Variants in ADAMTS2 observed in about 807,000 individuals in gnomAD.
The protein encoded by ADAMTS2 is A disintegrin and metalloproteinase with thrombospondin motifs 2.
In ADAMTS2, 50 loss-of-function variants were observed where a neutral mutation model predicts 123.0. The observed-to-expected ratio is 0.41, with a 90% confidence interval of 0.32 to 0.51. The LOEUF (loss-of-function observed/expected upper bound fraction) is 0.51, where lower values mean the gene tolerates loss of function less well. Ranked by LOEUF, ADAMTS2 falls within the 20% of genes least tolerant of loss-of-function variation. The pLI, the probability that ADAMTS2 is intolerant of heterozygous loss-of-function variation, is 0.35. For missense variants in ADAMTS2, 1,494 were observed against 1,705.2 expected (o/e 0.88, Z 2.18); for synonymous variants, 678 against 695.4 (o/e 0.98, Z 0.39).
At chr5:179,273,951 A>C (rs1207391278) in intron 2 of ADAMTS2, among the ~76,000 whole-genome samples, 1 of 151,116 alleles carries the variant, frequency 6.6e-6, no homozygotes, top group Non-Finnish European at 1.5e-5. Flanking sequence ...CTGCCGAGCC[A>C]CCCAGCCCCT....
In ADAMTS2 at chr5:179,272,875, C is replaced by T; in HGVS notation, c.688+36G>A. The T allele has an allele frequency of 1.9e-6, 3 of 1,599,704 alleles. No homozygotes were observed. The highest frequency in any genetic ancestry group is 2.5e-6 in the Non-Finnish European group (3 of 1,177,014). On this transcript the variant is annotated intron_variant, in intron 3 of 21. Coordinates refer to ENST00000251582, the MANE Select transcript of ADAMTS2 (RefSeq NM_014244.5). This position sits in a 1 kb window ranked among gnomAD's most constrained non-coding sequence, Gnocchi z 5.8. Reference sequence around the variant, plus strand: ...CCCTGGGGACCAGGGCCTCAGAGGGCTCTCCACACAGCCTGCCCACCTGCA... The same window carrying T: ...CCCTGGGGACCAGGGCCTCAGAGGGTTCTCCACACAGCCTGCCCACCTGCA...
chr5:179,208,998 C>T (rs916191763), intron 3 of ADAMTS2, among the ~76,000 whole-genome samples: 4 of 152,356 alleles, frequency 2.6e-5, no homozygotes, highest in African/African-American at 7.2e-5. Context: ...ACACTTTTCA[C>T]CCCCAACGCC....
At chr5:179,316,252 G>C (rs1381027620) in intron 2 of ADAMTS2, among the ~76,000 whole-genome samples, 1 of 152,190 alleles carries the variant, frequency 6.6e-6, no homozygotes, top group African/African-American at 2.4e-5. Flanking sequence ...GAGGGAAGAG[G>C]CTGCCCCATT....
chr5:179,217,466 T>C (rs1455679683), intron 3 of ADAMTS2, among the ~76,000 whole-genome samples: 1 of 152,222 alleles, frequency 6.6e-6, no homozygotes, highest in Non-Finnish European at 1.5e-5. Context: ...GTTTTAATGA[T>C]GTTAGGACAA....
intron 12 of ADAMTS2, among the ~76,000 whole-genome samples, chr5:179,136,826 C>T (rs184662595): frequency 3.8e-4 from 57 of 150,870 alleles, no homozygotes; most frequent in African/African-American, 1.1e-3. Context: ...AAAATTTAGC[C>T]GGGTGTGGTG....
chr5:179,250,645 G>T (rs1173310117), intron 3 of ADAMTS2, among the ~76,000 whole-genome samples: 2 of 152,224 alleles, frequency 1.3e-5, no homozygotes, highest in Non-Finnish European at 2.9e-5. Flanking sequence ...ACCCTCTGTG[G>T]GTGACGCAGC....
Position 179,257,470 on chromosome 5 carries a change from C to T in ADAMTS2, c.688+15441G>A, listed in dbSNP as rs138786102. The stretch of plus-strand genomic sequence containing the variant: ...GGTCTGTCCGCCCAGCCCGGGGAGT[C>T]CAGGGGCTGCTCCGAACCCGGCGCC... On this transcript the variant is annotated intron_variant, in intron 3 of 21. Coordinates refer to ENST00000251582, the MANE Select transcript of ADAMTS2 (RefSeq NM_014244.5). Among the ~76,000 whole-genome samples the T allele has an allele frequency of 5.7e-4, 86 of 152,178 alleles. 1 individual carries two copies. The highest frequency in any genetic ancestry group is 1.1e-3 in the Non-Finnish European group (75 of 68,010).
rs984112021 is a variant in ADAMTS2, at chr5:179,314,429, G to C, written c.534+29338C>G. Among the ~76,000 whole-genome samples, 3 of 151,884 alleles carry C rather than the reference G, an allele frequency of 2.0e-5. No homozygotes were observed. The highest frequency in any genetic ancestry group is 7.3e-5 in the African/African-American group (3 of 41,282). ...AGGCTCCTCCCCACCCCGTGGCGTG[G>C]CGTGGCGTGGCCGGAATACTCAGTT... On this transcript the variant is annotated intron_variant, in intron 2 of 21. Coordinates refer to ENST00000251582, the MANE Select transcript of ADAMTS2 (RefSeq NM_014244.5). The surrounding 1 kb of genome is among the most constrained non-coding windows in gnomAD (Gnocchi z 4.5).
chr5:179,181,417 G>A lies in ADAMTS2; in HGVS notation c.892-262C>T, dbSNP rs1406012101. Among the ~76,000 whole-genome samples the A allele has an allele frequency of 6.6e-6, 1 of 152,118 alleles. No homozygotes were observed. The highest frequency in any genetic ancestry group is 2.1e-4 in the South Asian group (1 of 4,822). Reference sequence around the variant, plus strand: ...CCAGCCCAGGGTTTCCTCACCTGGGGCCTGAACATGGAACGTGGGCAGGGA... The same window carrying A: ...CCAGCCCAGGGTTTCCTCACCTGGGACCTGAACATGGAACGTGGGCAGGGA... On this transcript the variant is annotated intron_variant, in intron 4 of 21. Coordinates refer to ENST00000251582, the MANE Select transcript of ADAMTS2 (RefSeq NM_014244.5). This position sits in a 1 kb window ranked among gnomAD's most constrained non-coding sequence, Gnocchi z 4.1.
rs931799325 is a variant in ADAMTS2, at chr5:179,228,986, G to A, written c.689-21271C>T. Among the ~76,000 whole-genome samples the A allele has an allele frequency of 6.6e-6, 1 of 152,156 alleles. No individual in the cohort carries two copies. The highest frequency in any genetic ancestry group is 6.5e-5 in the Admixed American group (1 of 15,284). On this transcript the variant is annotated intron_variant, in intron 3 of 21. Coordinates refer to ENST00000251582, the MANE Select transcript of ADAMTS2 (RefSeq NM_014244.5). The surrounding 1 kb of genome is among the most constrained non-coding windows in gnomAD (Gnocchi z 5.2). ...GGTGACAGCCAGCACGTGAGCAAGT[G>A]CCCTGGGTTCTGGTCCCAGCAAAGC...
intron 2 of ADAMTS2, among the ~76,000 whole-genome samples, chr5:179,295,891 G>A (rs192595820): frequency 8.2e-4 from 125 of 152,330 alleles, no homozygotes; most frequent in African/African-American, 2.8e-3. Flanking sequence ...TGGGAGCAAG[G>A]GAGGCGTGGA....
rs1282070536 is a variant in ADAMTS2 at position 179,188,996 on chromosome 5, G to T, written c.892-7841C>A. On this transcript the variant is annotated intron_variant, in intron 4 of 21. Transcript: ENST00000251582. The surrounding 1 kb of genome is among the most constrained non-coding windows in gnomAD (Gnocchi z 5.1). Reference sequence around the variant, plus strand: ...TGAATTTGGGGGGTTAGCAGAGTGTGGGGGGGATATTCCCACTCTGAGGTC... The same window carrying T: ...TGAATTTGGGGGGTTAGCAGAGTGTTGGGGGGATATTCCCACTCTGAGGTC... 3.3e-5 allele frequency among the ~76,000 whole-genome samples: 5 copies of T among 152,138 alleles called. No homozygotes were observed. The highest frequency in any genetic ancestry group is 1.2e-4 in the African/African-American group (5 of 41,428).
intron 4 of ADAMTS2, among the ~76,000 whole-genome samples, chr5:179,187,041 G>A (rs982692962): frequency 3.9e-5 from 6 of 151,944 alleles, no homozygotes; most frequent in Non-Finnish European, 7.4e-5. Context: ...CTCCCCACAT[G>A]GCACCCTTGC....
chr5:179,121,422 T>C, intron 21 of ADAMTS2: 1 of 355,562 alleles, frequency 2.8e-6, no homozygotes, highest in Non-Finnish European at 5.0e-6. Context: ...CTTTGCCCCT[T>C]TACAAGCCAT....
chr5:179,297,302 G>A (rs1045824541), intron 2 of ADAMTS2, among the ~76,000 whole-genome samples: 1 of 152,130 alleles, frequency 6.6e-6, no homozygotes, highest in African/African-American at 2.4e-5. Context: ...AAGCATGGGG[G>A]AGCATTTACA....
rs988335759 is a variant in ADAMTS2 at position 179,260,378 on chromosome 5, G to C, written c.688+12533C>G. Among the ~76,000 whole-genome samples the C allele has an allele frequency of 2.0e-5, 3 of 152,222 alleles. No individual in the cohort carries two copies. The highest frequency in any genetic ancestry group is 2.4e-5 in the African/African-American group (1 of 41,458). On this transcript the variant is annotated intron_variant, in intron 3 of 21. Coordinates refer to ENST00000251582, the MANE Select transcript of ADAMTS2 (RefSeq NM_014244.5). The surrounding 1 kb of genome is among the most constrained non-coding windows in gnomAD (Gnocchi z 4.2). ...GCTGCAAATTCCACTGTAAGCAAAA[G>C]ATTCTCCCCGAAGCTAACGTGCTAA... is the stretch of plus-strand genomic sequence containing the variant.
chr5:179,214,859 TCCGTC>T (rs770788557), intron 3 of ADAMTS2, among the ~76,000 whole-genome samples: 32,332 of 144,372 alleles, frequency 0.22, 3,834 homozygotes, highest in Non-Finnish European at 0.25. Flanking sequence ...TCAAATAATC[TCCGTC>T]GAATAATTGT....
At chr5:179,176,975 C>T (rs1763946384) in intron 5 of ADAMTS2, among the ~76,000 whole-genome samples, 1 of 152,176 alleles carries the variant, frequency 6.6e-6, no homozygotes, top group South Asian at 2.1e-4. Flanking sequence ...CGGTCACTTC[C>T]TCCCGTTGCT....
At chr5:179,284,050 AC>A (rs1319583995) in intron 2 of ADAMTS2, among the ~76,000 whole-genome samples, 1 of 151,210 alleles carries the variant, frequency 6.6e-6, no homozygotes, top group African/African-American at 2.4e-5. Flanking sequence ...CCAAAATCCA[AC>A]CGGGCGCAGT....
Sources: gnomAD v4.1 joint callset for allele counts (sites outside exome capture counted in the v4.1 genomes callset) on GRCh38, gnomAD v4.1.1 for gene constraint, Gnocchi (gnomAD v3.1) non-coding constraint, MANE v1.5 for transcripts, NCBI Gene and HGNC (gene_info 2026-07-23, HGNC 2026-07-21) for gene names.